LZTFL1: variants seen among roughly 807,000 people sequenced by gnomAD.
The protein encoded by LZTFL1 is leucine zipper transcription factor like 1.
A neutral mutation model predicts 45.9 loss-of-function variants in LZTFL1; 25 were observed. That is an observed-to-expected ratio of 0.54 (90% CI 0.40 to 0.76). The LOEUF is 0.76. LZTFL1 is among the 30% of genes least tolerant of loss of function. The pLI, the probability that LZTFL1 is intolerant of heterozygous loss-of-function variation, is 0.00. For synonymous variants in LZTFL1, 93 were observed against 117.4 expected, an observed-to-expected ratio of 0.79 and a Z score of 1.35; for missense variants, 277 against 331.1, an observed-to-expected ratio of 0.84 and a Z score of 1.27.
At chr3:45,850,531 T>C (rs1194855097) in intron 4 of LZTFL1, among the ~76,000 whole-genome samples, 1 of 152,224 alleles carries the variant, frequency 6.6e-6, no homozygotes, top group Non-Finnish European at 1.5e-5. Context: ...CCCTGATTCC[T>C]AATTCCCTTG....
intron 2 of LZTFL1, among the ~76,000 whole-genome samples, chr3:45,865,408 G>C (rs538482674): frequency 2.0e-5 from 3 of 152,368 alleles, no homozygotes; most frequent in African/African-American, 7.2e-5. Context: ...CAGAGTTAGA[G>C]CAACAGAGCT....
In LZTFL1 at chr3:45,900,684, C is replaced by G. The variant is rs72890685; in HGVS notation, c.-215+12436G>C. 1.7e-3 allele frequency: 1,509 copies of G among 863,072 alleles called. 17 individuals are homozygous for G. The African/African-American group carries it at 0.02, about 11-fold the overall frequency. The allele number at this position is 863,072 out of a possible 1,614,324, so 53.5% of individuals were successfully genotyped here. On this transcript the variant is annotated intron_variant, in intron 2 of 4. Transcript: ENST00000472635. This position sits in a 1 kb window ranked among gnomAD's most constrained non-coding sequence, Gnocchi z 4.7. ...ACCCAAGCAGATGTCCTCAGAATGC[C>G]TATGTGTCTTTGGCCTTATCATAGG...
At chr3:45,911,182 G>A (rs779667080) in intron 2 of LZTFL1, among the ~76,000 whole-genome samples, 21 of 152,232 alleles carry the variant, frequency 1.4e-4, no homozygotes, top group African/African-American at 3.9e-4. Flanking sequence ...AGGCCAGCCC[G>A]GAGTCAAGGG....
At chr3:45,879,035 C>G (rs1701803930) in intron 2 of LZTFL1, among the ~76,000 whole-genome samples, 1 of 152,206 alleles carries the variant, frequency 6.6e-6, no homozygotes, top group African/African-American at 2.4e-5. Context: ...TGATATGGAG[C>G]ATCAGGAACT....
At chr3:45,894,490 G>A (rs1018028968) in intron 2 of LZTFL1, among the ~76,000 whole-genome samples, 1 of 152,164 alleles carries the variant, frequency 6.6e-6, no homozygotes, top group Non-Finnish European at 1.5e-5. Context: ...ATAGAGCAGG[G>A]GGAAGGGGAA....
At chr3:45,863,357 C>T (rs1701524175) in intron 2 of LZTFL1, among the ~76,000 whole-genome samples, 1 of 152,024 alleles carries the variant, frequency 6.6e-6, no homozygotes, top group Middle Eastern at 3.2e-3. Context: ...AATGTAGATC[C>T]AGGCAAGGAC....
chr3:45,845,562 C>T (rs747171815), upstream of LZTFL1, among the ~76,000 whole-genome samples: 11 of 152,182 alleles, frequency 7.2e-5, no homozygotes, highest in South Asian at 2.1e-4. Flanking sequence ...CAGAGATGTA[C>T]ATTTATTATT....
chr3:45,864,133 C>T (rs1701540157), intron 2 of LZTFL1, among the ~76,000 whole-genome samples: 1 of 152,072 alleles, frequency 6.6e-6, no homozygotes, highest in African/African-American at 2.4e-5. Context: ...GACATTTAAC[C>T]AACATACTTG....
chr3:45,870,791 C>T (rs1049186256), intron 2 of LZTFL1, among the ~76,000 whole-genome samples: 2 of 152,218 alleles, frequency 1.3e-5, no homozygotes, highest in Non-Finnish European at 2.9e-5. Flanking sequence ...GTCTCCTTCA[C>T]CACCTTCCAC....
intron 4 of LZTFL1, among the ~76,000 whole-genome samples, chr3:45,850,312 G>A (rs560103406): frequency 6.6e-6 from 1 of 152,282 alleles, no homozygotes; most frequent in East Asian, 1.9e-4. Context: ...ACTTTTACAA[G>A]GTCATGTAGT....
At chr3:45,829,687 GAA>G (rs977869878) in intron 7 of LZTFL1, among the ~76,000 whole-genome samples, 1 of 141,482 alleles carries the variant, frequency 7.1e-6, no homozygotes, top group African/African-American at 2.6e-5. Context: ...TCTGGTCTTT[GAA>G]AAAAAGATTT....
At chr3:45,866,369 G>A (rs1387041616) in intron 2 of LZTFL1, among the ~76,000 whole-genome samples, 7 of 152,128 alleles carry the variant, frequency 4.6e-5, no homozygotes, top group South Asian at 4.2e-4. Flanking sequence ...AAATGAAGAC[G>A]AAAAATTTAA....
chr3:45,884,395 C>G (rs1471962402), intron 2 of LZTFL1, among the ~76,000 whole-genome samples: 2 of 152,124 alleles, frequency 1.3e-5, no homozygotes, highest in African/African-American at 4.8e-5. Flanking sequence ...TTGCGTCTTC[C>G]CTTCTCCCCA....
intron 4 of LZTFL1, among the ~76,000 whole-genome samples, chr3:45,848,423 G>T (rs1177462613): frequency 1.3e-5 from 2 of 152,166 alleles, no homozygotes; most frequent in African/African-American, 4.8e-5. Flanking sequence ...ACTTTGTATG[G>T]ATCCCATGAT....
At chr3:45,897,557 G>A (rs1702397151) in intron 2 of LZTFL1, 2 of 1,532,214 alleles carry the variant, frequency 1.3e-6, no homozygotes, top group East Asian at 2.4e-5. Flanking sequence ...TTCTGCTCCT[G>A]CAGTCTCCTC....
chr3:45,849,670 T>G (rs1319139684), intron 4 of LZTFL1, among the ~76,000 whole-genome samples: 1 of 152,192 alleles, frequency 6.6e-6, no homozygotes, highest in African/African-American at 2.4e-5. Flanking sequence ...AGTACAGGGA[T>G]AGCAGAAACG....
At chr3:45,910,294 A>G (rs1702768643) in intron 2 of LZTFL1, among the ~76,000 whole-genome samples, 1 of 151,922 alleles carries the variant, frequency 6.6e-6, no homozygotes. Flanking sequence ...AGAGAGATGG[A>G]TGGCTTTTGA....
intron 2 of LZTFL1, among the ~76,000 whole-genome samples, chr3:45,881,502 T>C (rs1701859545): frequency 6.6e-6 from 1 of 151,354 alleles, no homozygotes; most frequent in African/African-American, 2.4e-5. Context: ...CCCCTCCTCC[T>C]CTCTCTCTCT....
Position 45,901,775 on chromosome 3 carries a change from G to T in LZTFL1, c.-215+11345C>A. Reference sequence around the variant, plus strand: ...GTGAGAGATTCCGCCGGGATCTCGTGAAAACCCTGAAGAACTTGGGTTGCA... The same window carrying T: ...GTGAGAGATTCCGCCGGGATCTCGTTAAAACCCTGAAGAACTTGGGTTGCA... On this transcript the variant is annotated intron_variant, in intron 2 of 4. Coordinates refer to the LZTFL1 transcript ENST00000472635. The surrounding 1 kb of genome is among the most constrained non-coding windows in gnomAD (Gnocchi z 4.3). The T allele has an allele frequency of 6.2e-7, 1 of 1,614,162 alleles. No individual in the cohort carries two copies. The highest frequency in any genetic ancestry group is 1.1e-5 in the South Asian group (1 of 91,088).
Sources: gnomAD v4.1 joint callset for allele counts (sites outside exome capture counted in the v4.1 genomes callset) on GRCh38, gnomAD v4.1.1 for gene constraint, Gnocchi (gnomAD v3.1) non-coding constraint, MANE v1.5 for transcripts, NCBI Gene and HGNC (gene_info 2026-07-23, HGNC 2026-07-21) for gene names.